The following ARHGAP11B variants were observed in gnomAD, a reference collection of about 807,000 sequenced individuals.
ARHGAP11B encodes the protein Rho GTPase activating protein 11B, also known as inactive Rho GTPase-activating protein 11B.
Under a neutral mutation model 27.6 loss-of-function variants are expected in ARHGAP11B, and 14 were observed. That is an observed-to-expected ratio of 0.51 (90% confidence interval 0.34 to 0.79). The LOEUF is 0.79. Ranked by LOEUF, ARHGAP11B falls within the 30% of genes least tolerant of loss-of-function variation. The pLI is 0.02. For synonymous variants in ARHGAP11B, 82 were observed against 114.1 expected, an observed-to-expected ratio of 0.72 and a Z score of 1.80; for missense variants, 245 against 320.1, an observed-to-expected ratio of 0.77 and a Z score of 1.79.
intron 7 of ARHGAP11B, among the ~76,000 whole-genome samples, chr15:30,643,242 C>G (rs563585761): frequency 4.0e-5 from 6 of 150,214 alleles, no homozygotes; most frequent in Admixed American, 3.3e-4. Context: ...GTCAGAATTT[C>G]TCAGACTTTT....
At chr15:30,633,887 T>C (rs2060261657) in intron 3 of ARHGAP11B, among the ~76,000 whole-genome samples, 1 of 151,930 alleles carries the variant, frequency 6.6e-6, no homozygotes, top group South Asian at 2.1e-4. Context: ...TAGCTGAGTG[T>C]GGTGGCACAT....
At chr15:30,629,619 T>C (rs1035456639) in intron 1 of ARHGAP11B, among the ~76,000 whole-genome samples, 1 of 152,100 alleles carries the variant, frequency 6.6e-6, no homozygotes, top group African/African-American at 2.4e-5. Flanking sequence ...CATACTATAC[T>C]GTCTTTTCAG....
At chr15:30,637,562 G>A (rs184852266) in intron 6 of ARHGAP11B, among the ~76,000 whole-genome samples, 47 of 152,022 alleles carry the variant, frequency 3.1e-4, no homozygotes, top group African/African-American at 1.0e-3. Flanking sequence ...GTGAAACCCC[G>A]TCTCTACTAA....
chr15:30,636,407 A>G (rs1047302852), intron 6 of ARHGAP11B, among the ~76,000 whole-genome samples: 3 of 152,036 alleles, frequency 2.0e-5, no homozygotes, highest in African/African-American at 7.2e-5. Context: ...AAAACTTGCA[A>G]TCTCCTTGAT....
exon 9 of ARHGAP11B, chr15:30,646,199 C>T: frequency 1.9e-6 from 2 of 1,065,516 alleles, no homozygotes. Context: ...GTGAGAAGAG[C>T]TCGGGGACCT....
At chr15:30,628,079 C>CA (rs1555522951) in intron 1 of ARHGAP11B, among the ~76,000 whole-genome samples, 4 of 141,020 alleles carry the variant, frequency 2.8e-5, no homozygotes, top group Admixed American at 7.1e-5. Context: ...TTTTCTTTTC[C>CA]TTTTTTTTTT....
At chr15:30,633,812 A>C (rs1477622961) in intron 3 of ARHGAP11B, among the ~76,000 whole-genome samples, 1 of 151,792 alleles carries the variant, frequency 6.6e-6, no homozygotes, top group Non-Finnish European at 1.5e-5. Context: ...ATTTCTATCA[A>C]GTATTATGTA....
At chr15:30,644,275 ATTT>A (rs1365559248) in intron 7 of ARHGAP11B, among the ~76,000 whole-genome samples, 1 of 151,986 alleles carries the variant, frequency 6.6e-6, no homozygotes, top group Non-Finnish European at 1.5e-5. Flanking sequence ...TGTCTTTTAT[ATTT>A]TTGTATCCCC....
intron 8 of ARHGAP11B, among the ~76,000 whole-genome samples, chr15:30,645,899 T>C (rs568659829): frequency 1.3e-5 from 2 of 152,070 alleles, no homozygotes; most frequent in African/African-American, 2.4e-5. Flanking sequence ...TAGTTTTCCA[T>C]TGAAGTGGTT....
chr15:30,631,426 C>T (rs1224541138), intron 2 of ARHGAP11B, among the ~76,000 whole-genome samples: 2 of 151,870 alleles, frequency 1.3e-5, no homozygotes, highest in Non-Finnish European at 2.9e-5. Flanking sequence ...TTTTGAGGGC[C>T]GAGGCAGGAG....
chr15:30,637,618 C>A, intron 6 of ARHGAP11B, among the ~76,000 whole-genome samples: 1 of 151,862 alleles, frequency 6.6e-6, no homozygotes, highest in Non-Finnish European at 1.5e-5. Flanking sequence ...CCTGTAGTCC[C>A]AGCTACTTGG....
chr15:30,639,187 C>G (rs1381809449), intron 7 of ARHGAP11B, among the ~76,000 whole-genome samples: 1 of 152,120 alleles, frequency 6.6e-6, no homozygotes, highest in Non-Finnish European at 1.5e-5. Flanking sequence ...TTGCTTGTGG[C>G]TGAAATTATT....
chr15:30,626,931 A>C lies in ARHGAP11B; in HGVS notation c.111A>C (p.Thr37=), dbSNP rs769546429. 1.9e-6 allele frequency: 3 copies of C among 1,613,388 alleles called. No homozygotes were observed. The South Asian group carries it at 3.3e-5, about 18-fold the overall frequency. Residue 37 remains threonine (T), a synonymous_variant, in exon 1 of 11, where the codon ACA becomes ACC. Transcript: ENST00000428041. ...AGTGCGATCGCAGGAGACATGAAACAGCAGCCACGGAAATAGGGGTAAGTT... is the reference window on the plus strand; with the variant it reads ...AGTGCGATCGCAGGAGACATGAAACCGCAGCCACGGAAATAGGGGTAAGTT...
chr15:30,647,206 G>A (rs1395980883), intron 9 of ARHGAP11B, among the ~76,000 whole-genome samples: 2 of 151,656 alleles, frequency 1.3e-5, no homozygotes, highest in African/African-American at 4.8e-5. Context: ...TAAGCTTATG[G>A]GAATTTGTCA....
intron 7 of ARHGAP11B, among the ~76,000 whole-genome samples, chr15:30,644,016 A>G (rs1473561768): frequency 6.6e-6 from 1 of 151,892 alleles, no homozygotes; most frequent in Non-Finnish European, 1.5e-5. Context: ...ATATAACCAT[A>G]AAGTTCCAGC....
chr15:30,646,993 A>T (rs765337141), intron 9 of ARHGAP11B, among the ~76,000 whole-genome samples: 2 of 151,900 alleles, frequency 1.3e-5, no homozygotes, highest in African/African-American at 2.4e-5. Context: ...ACAAAACGTG[A>T]TATCATAAGA....
At chr15:30,635,241 T>G in intron 5 of ARHGAP11B, 53 bp downstream of exon 5, 2 of 1,599,082 alleles carry the variant, frequency 1.3e-6, no homozygotes, top group Non-Finnish European at 1.7e-6. Flanking sequence ...GCATCAGATA[T>G]TGGTAAGATG....
exon 11 of ARHGAP11B, chr15:30,648,828 G>A (rs535004786): frequency 2.0e-5 from 3 of 152,032 alleles, no homozygotes; most frequent in African/African-American, 4.8e-5. Context: ...TAGGAGTTTA[G>A]AAAATGCTTA....
At chr15:30,628,160 A>AGTGAGCTTGC (rs1253283220) in intron 1 of ARHGAP11B, among the ~76,000 whole-genome samples, 1 of 150,734 alleles carries the variant, frequency 6.6e-6, no homozygotes, top group African/African-American at 2.4e-5. Context: ...GGCTCACTGC[A>AGTGAGCTTGC]AGCTCCGCCT....
Sources: allele counts gnomAD v4.1 joint callset (sites outside exome capture counted in the v4.1 genomes callset), GRCh38; gene constraint gnomAD v4.1.1; transcripts MANE v1.5; gene names NCBI Gene and HGNC (gene_info 2026-07-23, HGNC 2026-07-21).